GCNT1: variants seen among roughly 807,000 people sequenced by gnomAD.
The protein encoded by GCNT1 is glucosaminyl (N-acetyl) transferase 1, also known as beta-1,3-galactosyl-O-glycosyl-glycoprotein beta-1,6-N-acetylglucosaminyltransferase.
In GCNT1, 16 loss-of-function variants were observed where a neutral mutation model predicts 26.2. The ratio of observed to expected loss-of-function variants is 0.61; its 90% confidence interval spans 0.41 to 0.93. The LOEUF (loss-of-function observed/expected upper bound fraction) is 0.93, where lower values mean the gene tolerates loss of function less well. GCNT1 is among the 40% of genes least tolerant of loss of function. The pLI is 0.00. For synonymous variants in GCNT1, 183 were observed against 190.8 expected, an observed-to-expected ratio of 0.96 and a Z score of 0.34; for missense variants, 477 against 526.7, an observed-to-expected ratio of 0.91 and a Z score of 0.92.
chr9:76,488,736 G>A (rs1451072633), intron 2 of GCNT1, among the ~76,000 whole-genome samples: 6 of 152,140 alleles, frequency 3.9e-5, no homozygotes, highest in African/African-American at 1.4e-4. Flanking sequence ...TGTCTGCCTC[G>A]TCCTCCCAAA....
chr9:76,427,156 G>A (rs1823268397), intron 1 of GCNT1, among the ~76,000 whole-genome samples: 2 of 150,838 alleles, frequency 1.3e-5, no homozygotes, highest in Admixed American at 6.6e-5. Context: ...CCATCTGCAC[G>A]ATAAGGAGAG....
Position 76,493,754 on chromosome 9 carries a change from C to T in GCNT1, c.-289-7162C>T, listed in dbSNP as rs538208727. Among the ~76,000 whole-genome samples, 5 of 152,242 alleles carry T rather than the reference C, an allele frequency of 3.3e-5. No individual in the cohort carries two copies. The East Asian group carries it at 9.7e-4, about 29-fold the overall frequency. ...TGTGGGATATAAATTGCAAGCTTTG[C>T]ATAGTTGTGGATTCTCCTTCAATGA... On this transcript the variant is annotated intron_variant, in intron 2 of 3. Coordinates refer to ENST00000376730, the MANE Select transcript of GCNT1 (RefSeq NM_001490.5).
At chr9:76,432,109 A>C (rs1823344450) in intron 1 of GCNT1, among the ~76,000 whole-genome samples, 1 of 152,190 alleles carries the variant, frequency 6.6e-6, no homozygotes. Context: ...ATTCTGTCTC[A>C]AGAAAAGGAA....
chr9:76,418,619 A>T (rs1823152638), upstream of GCNT1, among the ~76,000 whole-genome samples: 1 of 152,180 alleles, frequency 6.6e-6, no homozygotes, highest in South Asian at 2.1e-4. Flanking sequence ...AACATGAGGG[A>T]ATTGCAGGGG....
At chr9:76,428,215 G>A (rs990798701) in intron 1 of GCNT1, among the ~76,000 whole-genome samples, 3 of 132,298 alleles carry the variant, frequency 2.3e-5, no homozygotes, top group African/African-American at 8.6e-5. Flanking sequence ...GCAGTGAGCC[G>A]AGATCGTGCT....
chr9:76,498,323 T>C (rs912507077), intron 2 of GCNT1, among the ~76,000 whole-genome samples: 2 of 152,220 alleles, frequency 1.3e-5, no homozygotes, highest in Non-Finnish European at 2.9e-5. Context: ...TTCATTTTTC[T>C]TGGGTATATA....
In GCNT1 at chr9:76,505,666, T is replaced by C. The variant is rs1825218237; in HGVS notation, c.*1998T>C. ...GAGTGAACACCATGTAACCCTCACC[T>C]GGTGTTAACATTGTACCCTATTTGC... On this transcript the variant is annotated 3_prime_UTR_variant, in exon 4 of 4. Transcript: ENST00000376730. 1 of 167,044 alleles carries C rather than the reference T, an allele frequency of 6.0e-6. No individual in the cohort carries two copies. The highest frequency in any genetic ancestry group is 2.1e-4 in the South Asian group (1 of 4,832). The allele number at this position is 167,044 out of a possible 1,614,324, so 10.3% of individuals were successfully genotyped here.
In GCNT1 at chr9:76,502,914, T is replaced by G; in HGVS notation, c.533T>G (p.Val178Gly). The G allele has an allele frequency of 6.2e-7, 1 of 1,613,630 alleles. No homozygotes were observed. The highest frequency in any genetic ancestry group is 1.1e-5 in the South Asian group (1 of 91,074). The change falls in exon 4 of 4, where the codon GTG becomes GGG. Residue 178 changes from valine to glycine, a missense_variant. Coordinates refer to ENST00000376730, the MANE Select transcript of GCNT1 (RefSeq NM_001490.5). Reference protein sequence around the residue: ...GIASCFSNVFVASRLESVVYA... With the variant: ...GIASCFSNVFGASRLESVVYA... Reference sequence around the variant, plus strand: ...GCTTCCTGTTTTAGTAATGTCTTTGTGGCCAGCCGATTGGAGAGTGTGGTT... The same window carrying G: ...GCTTCCTGTTTTAGTAATGTCTTTGGGGCCAGCCGATTGGAGAGTGTGGTT...
chr9:76,428,848 G>A (rs1276466274), intron 1 of GCNT1, among the ~76,000 whole-genome samples: 1 of 151,770 alleles, frequency 6.6e-6, no homozygotes, highest in Non-Finnish European at 1.5e-5. Context: ...TTACAGGCAT[G>A]CACCACCACA....
intron 1 of GCNT1, among the ~76,000 whole-genome samples, chr9:76,423,677 G>C (rs770719425): frequency 1.3e-5 from 2 of 152,310 alleles, no homozygotes; most frequent in African/African-American, 4.8e-5. Flanking sequence ...AGGAACAGAT[G>C]ATGTTACGCT....
chr9:76,410,031 T>C, the GCNT1 span, among the ~76,000 whole-genome samples: 1 of 152,132 alleles, frequency 6.6e-6, no homozygotes, highest in Non-Finnish European at 1.5e-5. Context: ...TTATTTAGAG[T>C]ATGGTTTAAT....
At position 76,466,169 on chromosome 9, in the gene GCNT1, G is replaced by A. The variant is rs143953510; in HGVS notation, c.-290+5992G>A. ...AGTTTGATCACTGTATTTGGTAGAG[G>A]AAGAGAGGCCTGTTAAGGGTACTGA... On this transcript the variant is annotated intron_variant, in intron 2 of 3. Coordinates refer to ENST00000376730, the MANE Select transcript of GCNT1 (RefSeq NM_001490.5). 1.5e-3 allele frequency among the ~76,000 whole-genome samples: 233 copies of A among 152,338 alleles called. 1 individual carries two copies. The highest frequency in any genetic ancestry group is 5.1e-3 in the African/African-American group (213 of 41,578).
At chr9:76,412,695 C>A in the GCNT1 span, among the ~76,000 whole-genome samples, 56,188 of 152,010 alleles carry the variant, frequency 0.37, 11,117 homozygotes, top group Non-Finnish European at 0.44. Flanking sequence ...CTTGACACAG[C>A]TTCTGGTTCT....
the GCNT1 span, chr9:76,399,608 A>C: frequency 2.5e-5 from 28 of 1,098,110 alleles, no homozygotes; most frequent in Non-Finnish European, 3.7e-5. Context: ...ATAGGCTCTT[A>C]AGCAACATGG....
the GCNT1 span, among the ~76,000 whole-genome samples, chr9:76,403,810 G>A: frequency 6.6e-6 from 1 of 152,192 alleles, no homozygotes; most frequent in Non-Finnish European, 1.5e-5. Context: ...AGAGAAAAAG[G>A]AGGAGAAGAG....
chr9:76,460,946 C>A (rs1243896286), intron 2 of GCNT1, among the ~76,000 whole-genome samples: 1 of 152,218 alleles, frequency 6.6e-6, no homozygotes, highest in African/African-American at 2.4e-5. Context: ...AGCAATGCTT[C>A]CACTCACTTT....
chr9:76,453,861 T>A (rs1005300939), intron 1 of GCNT1, among the ~76,000 whole-genome samples: 3 of 152,206 alleles, frequency 2.0e-5, no homozygotes, highest in East Asian at 1.9e-4. Context: ...TGAGTTCCAG[T>A]CTTGAGCTGG....
chr9:76,435,583 T>G (rs1823397169), intron 1 of GCNT1, among the ~76,000 whole-genome samples: 2 of 152,240 alleles, frequency 1.3e-5, no homozygotes, highest in South Asian at 4.1e-4. Context: ...GATGGCCATC[T>G]TCTCACTGTG....
At chr9:76,473,049 A>T (rs1385441220) in intron 2 of GCNT1, among the ~76,000 whole-genome samples, 1 of 151,944 alleles carries the variant, frequency 6.6e-6, no homozygotes, top group African/African-American at 2.4e-5. Flanking sequence ...GTGCCCTGCG[A>T]CACTTGTCTG....
Sources: allele counts gnomAD v4.1 joint callset (sites outside exome capture counted in the v4.1 genomes callset), GRCh38; gene constraint gnomAD v4.1.1; transcripts MANE v1.5; gene names NCBI Gene and HGNC (gene_info 2026-07-23, HGNC 2026-07-21).